PCDHGB3: variants seen among roughly 807,000 people sequenced by gnomAD.
PCDHGB3 encodes the protein protocadherin gamma subfamily B, 3, also known as protocadherin gamma-B3.
A neutral mutation model predicts 59.2 loss-of-function variants in PCDHGB3; 40 were observed. That is an observed-to-expected ratio of 0.68 (90% CI 0.52 to 0.88). PCDHGB3 has a LOEUF of 0.88. Ranked by LOEUF, PCDHGB3 falls within the 40% of genes least tolerant of loss-of-function variation. The pLI, the probability that PCDHGB3 is intolerant of heterozygous loss-of-function variation, is 0.00. For synonymous variants in PCDHGB3, 581 were observed against 503.6 expected (o/e 1.15, Z -2.06); for missense variants, 1,309 against 1,187.9 (o/e 1.10, Z -1.50).
At position 141,432,203 on chromosome 5, in the gene PCDHGB3, G is replaced by A. The variant is rs1282888078; in HGVS notation, c.2415+59394G>A. The A allele has an allele frequency of 3.1e-6, 5 of 1,614,062 alleles. No homozygotes were observed. The highest frequency in any genetic ancestry group is 1.3e-5 in the African/African-American group (1 of 74,920). ...TGTGACCGCCCACGACCCCGACTGT[G>A]AAGAGAACGCCCAGATCACTTATTC... On this transcript the variant is annotated intron_variant, in intron 1 of 3. Transcript: ENST00000576222. The surrounding 1 kb of genome is among the most constrained non-coding windows in gnomAD (Gnocchi z 6.0).
In PCDHGB3 at chr5:141,388,603, C is replaced by T. The variant is rs558931275; in HGVS notation, c.2415+15794C>T. The T allele has an allele frequency of 6.9e-5, 111 of 1,613,860 alleles. 1 individual carries two copies. The South Asian group carries it at 1.2e-3, about 18-fold the overall frequency. ...GTGACTGATGCCAATGATAATGCTCCAGTGTTCAGTCAAGACGTATACAGG... is the reference window on the plus strand; with the variant it reads ...GTGACTGATGCCAATGATAATGCTCTAGTGTTCAGTCAAGACGTATACAGG... On this transcript the variant is annotated intron_variant, in intron 1 of 3. Transcript: ENST00000576222.
intron 1 of PCDHGB3, chr5:141,391,234 G>C (rs2092322160): frequency 6.6e-6 from 1 of 151,932 alleles, no homozygotes; most frequent in African/African-American, 2.4e-5. Context: ...CCTTTTGCTA[G>C]GTATATCTAA....
At chr5:141,384,644 C>A (rs757384812) in intron 1 of PCDHGB3, 2 of 1,614,116 alleles carry the variant, frequency 1.2e-6, no homozygotes, top group African/African-American at 1.3e-5. Context: ...CCCCGCTCCG[C>A]AGAGCCCGGC....
chr5:141,417,678 A>G (rs1306009640), intron 1 of PCDHGB3: 4 of 997,368 alleles, frequency 4.0e-6, no homozygotes, highest in Non-Finnish European at 5.7e-6. Flanking sequence ...GCAGCCAACA[A>G]CAGAAAAGAA....
intron 1 of PCDHGB3, among the ~76,000 whole-genome samples, chr5:141,475,007 G>A (rs1017671344): frequency 2.0e-5 from 3 of 152,178 alleles, no homozygotes; most frequent in East Asian, 1.9e-4. Flanking sequence ...ATGCAGAAAA[G>A]TTAAGGCTCT....
chr5:141,370,615 T>A lies in PCDHGB3; in HGVS notation c.221T>A (p.Phe74Tyr). 1.2e-6 allele frequency: 2 copies of A among 1,613,882 alleles called. No homozygotes were observed. Among genetic ancestry groups the A allele is most frequent in the Non-Finnish European group, 1.7e-6 (2 of 1,179,870 alleles). Residue 74 changes from phenylalanine (F) to tyrosine (Y), a missense_variant, in exon 1 of 4, where the codon TTC (phenylalanine) becomes TAC (tyrosine). Coordinates refer to ENST00000576222, the MANE Select transcript of PCDHGB3 (RefSeq NM_018924.5). ...RNLRVIAEKKFFTVSPENGNL... is the reference protein window; with the variant it reads ...RNLRVIAEKKYFTVSPENGNL... ...CTGCGGGTTATTGCAGAGAAGAAAT[T>A]CTTTACCGTGAGCCCCGAAAATGGG...
chr5:141,385,388 G>A (rs757763221), intron 1 of PCDHGB3: 1 of 1,507,708 alleles, frequency 6.6e-7, no homozygotes, highest in Non-Finnish European at 8.8e-7. Context: ...CTATTATTTT[G>A]CAAAACAAAT....
intron 1 of PCDHGB3, among the ~76,000 whole-genome samples, chr5:141,380,809 T>G (rs1475702152): frequency 6.6e-6 from 1 of 152,192 alleles, no homozygotes; most frequent in Non-Finnish European, 1.5e-5. Flanking sequence ...AAATGTGAGA[T>G]GAAACTATGA....
At chr5:141,442,417 T>A (rs2098323611) in intron 1 of PCDHGB3, 1 of 152,152 alleles carries the variant, frequency 6.6e-6, no homozygotes, top group Non-Finnish European at 1.5e-5. Flanking sequence ...TGAGTGAACT[T>A]CTTTTTTGAA....
chr5:141,436,287 T>A (rs565612572), intron 1 of PCDHGB3, among the ~76,000 whole-genome samples: 1 of 152,262 alleles, frequency 6.6e-6, no homozygotes, highest in Admixed American at 6.5e-5. Context: ...TAGGAACAAA[T>A]CATTGAGAGT....
intron 1 of PCDHGB3, chr5:141,395,295 T>G: frequency 1.3e-6 from 2 of 1,525,988 alleles, no homozygotes; most frequent in Middle Eastern, 1.8e-4. Flanking sequence ...TGGCATAAAT[T>G]ATGTTTTGAA....
Position 141,370,337 on chromosome 5 carries a change from G to A in PCDHGB3, c.-58G>A. On this transcript the variant is annotated 5_prime_UTR_variant, in exon 1 of 4. Coordinates refer to ENST00000576222, the MANE Select transcript of PCDHGB3 (RefSeq NM_018924.5). ...GTTGGTCCTGCTCGGAGAACTCTTGGGATTATTTAAAGATCTCCTCTCCTC... is the reference window on the plus strand; with the variant it reads ...GTTGGTCCTGCTCGGAGAACTCTTGAGATTATTTAAAGATCTCCTCTCCTC... 1 of 1,448,610 alleles carries A rather than the reference G, an allele frequency of 6.9e-7. No homozygotes were observed. Among genetic ancestry groups the A allele is most frequent in the Non-Finnish European group, 9.3e-7 (1 of 1,075,196 alleles). The allele number at this position is 1,448,610 out of a possible 1,614,324, so 89.7% of individuals were successfully genotyped here.
rs756466649 is a variant in PCDHGB3, at chr5:141,495,663, G to A, written c.2474+798G>A. 1.1e-3 allele frequency among the ~76,000 whole-genome samples: 169 copies of A among 152,164 alleles called. 3 individuals are homozygous for A. The highest frequency in any genetic ancestry group is 1.9e-3 in the Admixed American group (29 of 15,272). ...TTGTCTACTTGCATTGATCTGTGCCGCCCACTGTGCCTGCCATGGCATAAG... is the reference window on the plus strand; with the variant it reads ...TTGTCTACTTGCATTGATCTGTGCCACCCACTGTGCCTGCCATGGCATAAG... On this transcript the variant is annotated intron_variant, in intron 2 of 3. Coordinates refer to ENST00000576222, the MANE Select transcript of PCDHGB3 (RefSeq NM_018924.5).
rs769671283 is a variant in PCDHGB3, at chr5:141,511,391, C to A, written c.*218C>A. 1 of 1,079,748 alleles carries A rather than the reference C, an allele frequency of 9.3e-7. No homozygotes were observed. The allele number at this position is 1,079,748 out of a possible 1,614,324, so 66.9% of individuals were successfully genotyped here. On this transcript the variant is annotated 3_prime_UTR_variant, in exon 4 of 4. Transcript: ENST00000576222. ...TGCAAAAGCAGTTCCGCTGGGAACC[C>A]CCATCCAATCAACTGCTGTACCCAT...
intron 1 of PCDHGB3, chr5:141,389,400 AGCGC>A (rs2150385005): frequency 1.2e-6 from 2 of 1,613,622 alleles, no homozygotes; most frequent in African/African-American, 2.7e-5. Flanking sequence ...CGTGTCCATA[AGCGC>A]GGAGAGCGGG....
intron 2 of PCDHGB3, among the ~76,000 whole-genome samples, chr5:141,504,451 G>A (rs2099838355): frequency 1.3e-5 from 2 of 152,070 alleles, no homozygotes; most frequent in South Asian, 4.2e-4. Context: ...CTAGTGCCAT[G>A]TGGGGCAGCC....
At chr5:141,384,012 A>G in intron 1 of PCDHGB3, 1 of 1,613,830 alleles carries the variant, frequency 6.2e-7, no homozygotes, top group Non-Finnish European at 8.5e-7. Flanking sequence ...TTTTCTACCT[A>G]CAAGACAGAG....
chr5:141,409,669 C>T, intron 1 of PCDHGB3: 1 of 1,613,528 alleles, frequency 6.2e-7, no homozygotes, highest in Non-Finnish European at 8.5e-7. Context: ...ACATCTCCTA[C>T]TCTATAGTGG....
intron 1 of PCDHGB3, chr5:141,479,355 A>G (rs2099493778): frequency 6.6e-6 from 1 of 152,506 alleles, no homozygotes; most frequent in Non-Finnish European, 1.5e-5. Flanking sequence ...CTTGCTGCTC[A>G]GTGCCTGAGG....
Sources: allele counts gnomAD v4.1 joint callset (sites outside exome capture counted in the v4.1 genomes callset), GRCh38; gene constraint gnomAD v4.1.1; non-coding constraint Gnocchi (gnomAD v3.1); transcripts MANE v1.5; gene names NCBI Gene and HGNC (gene_info 2026-07-23, HGNC 2026-07-21).